Variants in KIAA1549L observed in about 807,000 individuals in gnomAD.
The protein encoded by KIAA1549L is UPF0606 protein KIAA1549L.
Under a neutral mutation model 160.7 loss-of-function variants are expected in KIAA1549L, and 88 were observed. The ratio of observed to expected loss-of-function variants is 0.55; its 90% CI spans 0.46 to 0.65. The LOEUF is 0.65. Ranked by LOEUF, KIAA1549L falls within the 30% of genes least tolerant of loss-of-function variation. The probability of loss-of-function intolerance (pLI) is 0.00; values close to 1 mark genes in which losing one functional copy is unlikely to be tolerated. For synonymous variants in KIAA1549L, 950 were observed against 976.7 expected (o/e 0.97, Z 0.51); for missense variants, 2,258 against 2,437.5 (o/e 0.93, Z 1.55).
At chr11:33,548,266 G>T (rs372650794) in intron 4 of KIAA1549L, among the ~76,000 whole-genome samples, 1 of 152,212 alleles carries the variant, frequency 6.6e-6, no homozygotes, top group African/African-American at 2.4e-5. Context: ...GGGCGTGGTG[G>T]CAGGTGCCTG....
intron 4 of KIAA1549L, among the ~76,000 whole-genome samples, chr11:33,549,106 G>T (rs1010099626): frequency 6.6e-6 from 1 of 151,874 alleles, no homozygotes; most frequent in Non-Finnish European, 1.5e-5. Flanking sequence ...TACAGTTTTG[G>T]TCTTTGCTGC....
Position 33,668,003 on chromosome 11 carries a change from C to A in KIAA1549L, c.6290C>A (p.Ser2097Tyr). 6.2e-7 allele frequency: 1 copy of A among 1,613,982 alleles called. No homozygotes were observed. The highest frequency in any genetic ancestry group is 8.5e-7 in the Non-Finnish European group (1 of 1,179,900). The stretch of plus-strand genomic sequence containing the variant: ...AGCCTGGAGCAGGCCCCGGCGCCCT[C>A]CACAGCGGCCTCGCAGCAGAGCCTG... ...HPSLEQAPAP[S>Y]TAASQQSLAE... Residue 2097 changes from serine (S) to tyrosine (Y), a missense_variant, in exon 21 of 21, where the codon TCC becomes TAC. This residue lies in a region of KIAA1549L where 1,359 missense variants were observed against 1,546.6 expected (regional missense o/e 0.88). Coordinates refer to ENST00000658780, the MANE Select transcript of KIAA1549L (RefSeq NM_012194.3).
At chr11:33,545,504 G>T (rs1854221205) in intron 3 of KIAA1549L, 126 bp downstream of exon 3, 1 of 1,178,508 alleles carries the variant, frequency 8.5e-7, no homozygotes, top group South Asian at 1.6e-5. Flanking sequence ...GGGACATTTG[G>T]CTATGTCTGG....
Position 33,523,674 on chromosome 11 carries a change from A to C in KIAA1549L, c.239-18128A>C, listed in dbSNP as rs147706821. On this transcript the variant is annotated intron_variant, in intron 1 of 20. Transcript: ENST00000658780. ...CCTGAGTTTGGCGTAGGATCTTACT[A>C]CTGGGTCCTTAAATGCAGTGAAAAG... Among the ~76,000 whole-genome samples the C allele has an allele frequency of 2.4e-3, 361 of 152,262 alleles. 2 individuals carry two copies. The highest frequency in any genetic ancestry group is 7.8e-3 in the African/African-American group (323 of 41,564).
chr11:33,492,762 A>C (rs974760955), intron 1 of KIAA1549L, among the ~76,000 whole-genome samples: 1 of 152,158 alleles, frequency 6.6e-6, no homozygotes, highest in Non-Finnish European at 1.5e-5. Flanking sequence ...TTCCTATCAA[A>C]AGCTATCCCA....
rs1486981879 is a variant in KIAA1549L at position 33,673,397 on chromosome 11, G to A, written c.*5243G>A. On this transcript the variant is annotated 3_prime_UTR_variant, in exon 21 of 21. Coordinates refer to ENST00000658780, the MANE Select transcript of KIAA1549L (RefSeq NM_012194.3). ...TTATTTCTCCTCATTTCTTCCTTAT[G>A]TTTAAACACGCCCCCATCTCACACA... 6.6e-6 allele frequency: 1 copy of A among 152,056 alleles called. No homozygotes were observed. Among genetic ancestry groups the A allele is most frequent in the African/African-American group, 2.4e-5 (1 of 41,394 alleles). 9.4% of individuals were successfully genotyped at this position (152,056 alleles called of 1,614,324 possible). A position where few individuals can be genotyped will look rare whatever the true frequency, so the allele number is the denominator to read the frequency against.
intron 1 of KIAA1549L, among the ~76,000 whole-genome samples, chr11:33,419,742 G>T (rs556584105): frequency 6.6e-6 from 1 of 152,164 alleles, no homozygotes; most frequent in African/African-American, 2.4e-5. Context: ...AGCTACTCGG[G>T]AGGCTGAGGT....
At chr11:33,559,279 C>T (rs1169001465) in intron 6 of KIAA1549L, among the ~76,000 whole-genome samples, 2 of 152,278 alleles carry the variant, frequency 1.3e-5, no homozygotes, top group Non-Finnish European at 1.5e-5. Flanking sequence ...GTTGAGCCCT[C>T]CTTCAATGTA....
chr11:33,429,331 G>C (rs1161170187), intron 1 of KIAA1549L, among the ~76,000 whole-genome samples: 2 of 152,178 alleles, frequency 1.3e-5, no homozygotes, highest in Non-Finnish European at 2.9e-5. Context: ...TATATCTTCA[G>C]AGAAATGTCT....
rs1187017017 is a variant in KIAA1549L, at chr11:33,668,378, T to TA, written c.*225dup. ...GGGTCAAGTCCCTGGCTTGGGGCCT[T>TA]ATGTTTGATACTCTCTCATGTCAAA... On this transcript the variant is annotated 3_prime_UTR_variant, in exon 21 of 21. Transcript: ENST00000658780. 1 of 580,222 alleles carries TA rather than the reference T, an allele frequency of 1.7e-6. No individual in the cohort carries two copies. Among genetic ancestry groups the TA allele is most frequent in the Non-Finnish European group, 3.1e-6 (1 of 327,158 alleles). The allele number at this position is 580,222 out of a possible 1,614,324, so 35.9% of individuals were successfully genotyped here.
rs1327360139 is a variant in KIAA1549L, at chr11:33,563,897, C to T, written c.4078+2162C>T. ...TTCACCACAGGCTGTCCTTGACAAC[C>T]TCTTGTGTCATCTTTTCTTCATCTA... On this transcript the variant is annotated intron_variant, in intron 8 of 20. Coordinates refer to ENST00000658780, the MANE Select transcript of KIAA1549L (RefSeq NM_012194.3). Among the ~76,000 whole-genome samples the T allele has an allele frequency of 2.0e-5, 3 of 152,246 alleles. No homozygotes were observed. In the East Asian group the frequency reaches 5.8e-4, roughly 29 times the overall value.
intron 18 of KIAA1549L, among the ~76,000 whole-genome samples, chr11:33,657,500 TG>T (rs1253352969): frequency 7.8e-6 from 1 of 127,448 alleles, no homozygotes; most frequent in African/African-American, 2.8e-5. Context: ...GAAACAGGCT[TG>T]GAAAGGGAAC....
At chr11:33,383,144 C>T (rs956215487) in intron 1 of KIAA1549L, among the ~76,000 whole-genome samples, 22 of 152,114 alleles carry the variant, frequency 1.4e-4, no homozygotes, top group Non-Finnish European at 2.4e-4. Flanking sequence ...ACCAGAGAAT[C>T]TCTCAGAAGC....
At chr11:33,513,740 A>G (rs1853277573) in intron 1 of KIAA1549L, among the ~76,000 whole-genome samples, 1 of 152,210 alleles carries the variant, frequency 6.6e-6, no homozygotes, top group South Asian at 2.1e-4. Context: ...CCTGGGGCAG[A>G]CGTTCACTCT....
At chr11:33,580,665 C>CT (rs1237643627) in intron 10 of KIAA1549L, among the ~76,000 whole-genome samples, 1 of 151,130 alleles carries the variant, frequency 6.6e-6, no homozygotes, top group Non-Finnish European at 1.5e-5. Flanking sequence ...TGCTCATTCA[C>CT]TTTTTTAACA....
In KIAA1549L at chr11:33,543,189, CCT is replaced by C; in HGVS notation, c.1630_1631del (p.Ser544LysfsTer5). The C allele has an allele frequency of 6.2e-7, 1 of 1,613,942 alleles. No individual in the cohort carries two copies. The highest frequency in any genetic ancestry group is 8.5e-7 in the Non-Finnish European group (1 of 1,179,884). ...CCCCTCCTGCAACTAGAGACTTGCTCCTCTCAAGCAAAGTTCCTAATCTTCTT... is the reference window on the plus strand; with the variant it reads ...CCCCTCCTGCAACTAGAGACTTGCTCCTCAAGCAAAGTTCCTAATCTTCTT... The part of the protein sequence containing the change: ...GSPPATRDLL[L>X]SSKVPNLLST... On this transcript the variant is annotated frameshift_variant, in exon 2 of 21. Transcript: ENST00000658780. LOFTEE classifies it high-confidence loss of function.
At chr11:33,440,526 GTTAA>G (rs570597945) in intron 1 of KIAA1549L, among the ~76,000 whole-genome samples, 8 of 152,300 alleles carry the variant, frequency 5.3e-5, no homozygotes, top group Non-Finnish European at 1.0e-4. Flanking sequence ...AAGGTCTAAA[GTTAA>G]TTAATATCTT....
chr11:33,656,825 C>G (rs1852080777), intron 18 of KIAA1549L, among the ~76,000 whole-genome samples: 1 of 152,106 alleles, frequency 6.6e-6, no homozygotes, highest in African/African-American at 2.4e-5. Flanking sequence ...ATAGGAGGGA[C>G]CCCGCTCTCA....
Position 33,542,908 on chromosome 11 carries a change from C to G in KIAA1549L, c.1345C>G (p.His449Asp). The G allele has an allele frequency of 6.2e-7, 1 of 1,614,072 alleles. No homozygotes were observed. Among genetic ancestry groups the G allele is most frequent in the Non-Finnish European group, 8.5e-7 (1 of 1,179,896 alleles). Residue 449 changes from histidine (H) to aspartate (D), a missense_variant, in exon 2 of 21, where the codon CAT (histidine) becomes GAT (aspartate). By Grantham distance (81) the His-to-Asp change is moderately conservative. This residue lies in a region of KIAA1549L where 540 missense variants were observed against 465.7 expected (regional missense o/e 1.16). Transcript: ENST00000658780. Reference protein sequence around the residue: ...ATANDSANPLHLSAAPENSRG... With the variant: ...ATANDSANPLDLSAAPENSRG... Reference sequence around the variant, plus strand: ...TGCAAATGACTCTGCTAACCCGCTGCATTTGTCAGCAGCTCCAGAGAATTC... The same window carrying G: ...TGCAAATGACTCTGCTAACCCGCTGGATTTGTCAGCAGCTCCAGAGAATTC...
Sources: gnomAD v4.1 joint callset for allele counts (sites outside exome capture counted in the v4.1 genomes callset) on GRCh38, gnomAD v4.1.1 for gene constraint, gnomAD v4.1.1 regional missense constraint, MANE v1.5 for transcripts, NCBI Gene and HGNC (gene_info 2026-07-23, HGNC 2026-07-21) for gene names.